The following NELL1 variants were observed in gnomAD, a reference collection of about 807,000 sequenced individuals.
The protein encoded by NELL1 is neural EGFL like 1.
A neutral mutation model predicts 107.4 loss-of-function variants in NELL1; 76 were observed. The observed-to-expected ratio is 0.71, with a 90% CI of 0.59 to 0.86. The LOEUF (loss-of-function observed/expected upper bound fraction) is 0.86, where lower values mean the gene tolerates loss of function less well. Among genes scored for constraint, NELL1 ranks in the 40% least tolerant of loss-of-function variants. The pLI is 0.00. For missense variants in NELL1, 1,024 were observed against 1,005.5 expected, an observed-to-expected ratio of 1.02 and a Z score of -0.25; for synonymous variants, 353 against 341.2, an observed-to-expected ratio of 1.03 and a Z score of -0.38.
intron 14 of NELL1, among the ~76,000 whole-genome samples, chr11:21,313,156 T>C (rs112905593): frequency 1.1e-3 from 169 of 152,276 alleles, no homozygotes; most frequent in African/African-American, 3.7e-3. Context: ...GAATGAGGCA[T>C]GATCTCTTCT....
intron 14 of NELL1, among the ~76,000 whole-genome samples, chr11:21,262,910 T>G (rs187816553): frequency 1.3e-3 from 193 of 152,022 alleles, no homozygotes; most frequent in Non-Finnish European, 4.1e-4. Context: ...TGCTGGACTT[T>G]CTGATTTTTC....
At chr11:20,757,499 A>G (rs749425418) in intron 2 of NELL1, among the ~76,000 whole-genome samples, 1 of 152,208 alleles carries the variant, frequency 6.6e-6, no homozygotes, top group Admixed American at 6.5e-5. Context: ...TATATATCCC[A>G]AATGCTTTCT....
intron 3 of NELL1, among the ~76,000 whole-genome samples, chr11:20,799,094 C>T (rs1009607729): frequency 6.6e-6 from 1 of 151,428 alleles, no homozygotes; most frequent in East Asian, 1.9e-4. Context: ...GACGTTTGTC[C>T]TCAATCTAAA....
chr11:20,901,192 A>G (rs1849864831), intron 5 of NELL1, among the ~76,000 whole-genome samples: 1 of 152,108 alleles, frequency 6.6e-6, no homozygotes, highest in Non-Finnish European at 1.5e-5. Flanking sequence ...CCTATATATA[A>G]AAAATGATCA....
At chr11:21,421,058 G>A (rs1170226675) in intron 15 of NELL1, among the ~76,000 whole-genome samples, 2 of 152,110 alleles carry the variant, frequency 1.3e-5, no homozygotes, top group Admixed American at 6.6e-5. Flanking sequence ...CAAGGAAAAG[G>A]CCGTAGTATT....
In NELL1 at chr11:20,946,857, G is replaced by C. The variant is rs528677541; in HGVS notation, c.1072-479G>C. ...TCATTAAGAGCAAGGAAGATTTGCT[G>C]TCTATCACTGGGTTCACAAAGCCTG... On this transcript the variant is annotated intron_variant, in intron 10 of 19. Coordinates refer to ENST00000357134, the MANE Select transcript of NELL1 (RefSeq NM_006157.5). Among the ~76,000 whole-genome samples the C allele has an allele frequency of 5.3e-5, 8 of 152,266 alleles. No individual in the cohort carries two copies. The East Asian group carries it at 1.5e-3, about 29-fold the overall frequency.
intron 4 of NELL1, among the ~76,000 whole-genome samples, chr11:20,865,467 C>G (rs1302777100): frequency 6.6e-6 from 1 of 152,162 alleles, no homozygotes; most frequent in Non-Finnish European, 1.5e-5. Flanking sequence ...ATTGGCTTCT[C>G]GGGAAACATT....
intron 16 of NELL1, among the ~76,000 whole-genome samples, chr11:21,541,372 T>C (rs1165278779): frequency 6.6e-6 from 1 of 152,108 alleles, no homozygotes; most frequent in Admixed American, 6.5e-5. Context: ...ATGGTCACCA[T>C]GCAAAGCAAT....
intron 7 of NELL1, among the ~76,000 whole-genome samples, chr11:20,926,790 G>A (rs888267600): frequency 9.9e-5 from 15 of 152,074 alleles, no homozygotes; most frequent in Non-Finnish European, 1.9e-4. Flanking sequence ...TGGGGGATCC[G>A]CTTACGACTT....
intron 12 of NELL1, among the ~76,000 whole-genome samples, chr11:21,058,883 C>CT (rs60367103): frequency 0.35 from 52,872 of 151,802 alleles, 9,340 homozygotes; most frequent in East Asian, 0.43. Flanking sequence ...TTTCTTTCAT[C>CT]TTTTTATTGT....
At chr11:21,371,627 A>G (rs1851360283) in intron 15 of NELL1, among the ~76,000 whole-genome samples, 1 of 152,064 alleles carries the variant, frequency 6.6e-6, no homozygotes, top group Non-Finnish European at 1.5e-5. Context: ...GTCAGTGCAA[A>G]CAAGGGGTTT....
At chr11:20,717,501 A>G (rs1855280459) in intron 2 of NELL1, among the ~76,000 whole-genome samples, 1 of 152,130 alleles carries the variant, frequency 6.6e-6, no homozygotes, top group African/African-American at 2.4e-5. Context: ...CCTTATAAAT[A>G]GAGGTTCTAT....
intron 13 of NELL1, among the ~76,000 whole-genome samples, chr11:21,173,190 A>T (rs1856643074): frequency 1.3e-5 from 2 of 151,928 alleles, no homozygotes; most frequent in South Asian, 4.1e-4. Context: ...GGTATGAGAC[A>T]CACACTGCTC....
chr11:20,759,835 T>C (rs992335851), intron 2 of NELL1, among the ~76,000 whole-genome samples: 1 of 152,188 alleles, frequency 6.6e-6, no homozygotes, highest in African/African-American at 2.4e-5. Context: ...GAGCAGAGTG[T>C]TCCTGGGTCC....
At chr11:21,154,785 T>A (rs2133791356) in intron 13 of NELL1, among the ~76,000 whole-genome samples, 1 of 152,166 alleles carries the variant, frequency 6.6e-6, no homozygotes, top group African/African-American at 2.4e-5. Context: ...ATGGAATTTA[T>A]CATGTGGGCC....
rs1276018532 is a variant in NELL1 at position 20,972,829 on chromosome 11, A to G, written c.1300+12269A>G. On this transcript the variant is annotated intron_variant, in intron 12 of 19. Transcript: ENST00000357134. Reference sequence around the variant, plus strand: ...AGTGGGGGACAGAAGGTAGCAGCAAATCAGGGACATCAGTTGTTAGTCTGC... The same window carrying G: ...AGTGGGGGACAGAAGGTAGCAGCAAGTCAGGGACATCAGTTGTTAGTCTGC... Among the ~76,000 whole-genome samples the G allele has an allele frequency of 2.0e-5, 3 of 152,210 alleles. No individual in the cohort carries two copies. The South Asian group carries it at 6.2e-4, about 32-fold the overall frequency.
intron 2 of NELL1, among the ~76,000 whole-genome samples, chr11:20,762,106 G>C (rs1194901513): frequency 6.6e-6 from 1 of 152,174 alleles, no homozygotes; most frequent in Non-Finnish European, 1.5e-5. Context: ...TCAATTGTTT[G>C]ATGTGTTGTT....
chr11:20,884,989 AG>A (rs1849478598), intron 4 of NELL1, among the ~76,000 whole-genome samples: 1 of 152,240 alleles, frequency 6.6e-6, no homozygotes, highest in Admixed American at 6.5e-5. Context: ...TAGGACCTAA[AG>A]AAACCGAAGT....
At chr11:20,867,492 G>T (rs1321417887) in intron 4 of NELL1, among the ~76,000 whole-genome samples, 2 of 152,170 alleles carry the variant, frequency 1.3e-5, no homozygotes, top group Non-Finnish European at 2.9e-5. Context: ...TGGATGAGAA[G>T]ACTTGCGTTC....
Sources: gnomAD v4.1 joint callset for allele counts (sites outside exome capture counted in the v4.1 genomes callset) on GRCh38, gnomAD v4.1.1 for gene constraint, MANE v1.5 for transcripts, NCBI Gene and HGNC (gene_info 2026-07-23, HGNC 2026-07-21) for gene names.